GALNTL6: variants seen among roughly 807,000 people sequenced by gnomAD.
GALNTL6 encodes the protein polypeptide N-acetylgalactosaminyltransferase-like 6.
Under a neutral mutation model 73.7 loss-of-function variants are expected in GALNTL6, and 46 were observed. That is an observed-to-expected ratio of 0.62 (90% CI 0.49 to 0.80). GALNTL6 has a LOEUF of 0.80. Among genes scored for constraint, GALNTL6 ranks in the 30% least tolerant of loss-of-function variants. The pLI is 0.00. For missense variants in GALNTL6, 604 were observed against 755.0 expected, an observed-to-expected ratio of 0.80 and a Z score of 2.34; for synonymous variants, 259 against 263.7, an observed-to-expected ratio of 0.98 and a Z score of 0.17.
intron 2 of GALNTL6, among the ~76,000 whole-genome samples, chr4:171,901,604 C>A (rs1188112606): frequency 6.6e-6 from 1 of 152,200 alleles, no homozygotes; most frequent in Non-Finnish European, 1.5e-5. Context: ...TATTTTTCTA[C>A]CTGCTAGAAT....
At position 171,968,905 on chromosome 4, in the gene GALNTL6, C is replaced by T. The variant is rs535658627; in HGVS notation, c.138+154187C>T. 1.0e-4 allele frequency among the ~76,000 whole-genome samples: 15 copies of T among 150,544 alleles called. No homozygotes were observed. In the East Asian group the frequency reaches 1.6e-3, roughly 16 times the overall value. On this transcript the variant is annotated intron_variant, in intron 2 of 12. Coordinates refer to ENST00000506823, the MANE Select transcript of GALNTL6 (RefSeq NM_001034845.3). ...AGGCTGGAGTGCAATAGTGTGATCT[C>T]GGCTCACTGCAACCTCTGCCTCCCA...
At chr4:172,881,910 G>T (rs1475698033) in intron 7 of GALNTL6, among the ~76,000 whole-genome samples, 1 of 151,880 alleles carries the variant, frequency 6.6e-6, no homozygotes, top group Admixed American at 6.6e-5. Flanking sequence ...CCTCTTCTGC[G>T]TGATTCCTCA....
chr4:172,033,374 AT>A (rs1741829815), intron 2 of GALNTL6, among the ~76,000 whole-genome samples: 1 of 152,060 alleles, frequency 6.6e-6, no homozygotes, highest in Non-Finnish European at 1.5e-5. Flanking sequence ...CTATCAGGCC[AT>A]TTTTTAAAAT....
intron 2 of GALNTL6, among the ~76,000 whole-genome samples, chr4:171,979,058 G>A (rs138076697): frequency 3.3e-4 from 50 of 152,140 alleles, no homozygotes; most frequent in African/African-American, 1.2e-3. Flanking sequence ...TTGACATTAT[G>A]CAGGTCACTT....
At chr4:172,765,044 G>T (rs1738327674) in intron 5 of GALNTL6, among the ~76,000 whole-genome samples, 1 of 152,182 alleles carries the variant, frequency 6.6e-6, no homozygotes. Flanking sequence ...AGCAATCCAG[G>T]AATTAATTAT....
chr4:172,841,754 C>T (rs1296572552), intron 7 of GALNTL6, among the ~76,000 whole-genome samples: 6 of 152,172 alleles, frequency 3.9e-5, no homozygotes, highest in African/African-American at 2.4e-5. Context: ...CCAATCACTT[C>T]CCTCCCCTCT....
intron 5 of GALNTL6, among the ~76,000 whole-genome samples, chr4:172,653,768 A>G (rs534562505): frequency 2.6e-5 from 4 of 152,322 alleles, no homozygotes; most frequent in Middle Eastern, 3.4e-3. Flanking sequence ...TGCATTTGTG[A>G]CTAACAAGAG....
At chr4:172,269,753 A>AT (rs541336344) in intron 3 of GALNTL6, among the ~76,000 whole-genome samples, 24 of 149,578 alleles carry the variant, frequency 1.6e-4, no homozygotes, top group East Asian at 3.9e-4. Context: ...TAATTTTTTT[A>AT]TTTTTTTTTA....
intron 2 of GALNTL6, among the ~76,000 whole-genome samples, chr4:172,036,549 G>A (rs935340332): frequency 4.6e-5 from 7 of 152,188 alleles, no homozygotes; most frequent in African/African-American, 9.6e-5. Flanking sequence ...CTCACTGTTC[G>A]TACATGCCAG....
At chr4:171,818,093 T>C (rs890573106) in intron 2 of GALNTL6, among the ~76,000 whole-genome samples, 1 of 151,680 alleles carries the variant, frequency 6.6e-6, no homozygotes, top group African/African-American at 2.4e-5. Context: ...ATATAGTCAT[T>C]GTAAAGTAAT....
At chr4:172,018,858 T>A (rs1741301680) in intron 2 of GALNTL6, among the ~76,000 whole-genome samples, 1 of 152,038 alleles carries the variant, frequency 6.6e-6, no homozygotes, top group Non-Finnish European at 1.5e-5. Context: ...CCCTGTGAGA[T>A]ATAGTCAGGG....
chr4:171,867,888 G>T (rs1736013400), intron 2 of GALNTL6, among the ~76,000 whole-genome samples: 2 of 151,920 alleles, frequency 1.3e-5, no homozygotes. Context: ...TTCCTCAAAG[G>T]TCTTTCATTT....
intron 10 of GALNTL6, among the ~76,000 whole-genome samples, chr4:172,960,882 G>C (rs968243117): frequency 7.9e-5 from 12 of 152,038 alleles, no homozygotes; most frequent in South Asian, 4.1e-4. Flanking sequence ...AGGGTGGAAG[G>C]CTGCCCATAG....
chr4:172,087,744 G>A (rs1732090548), intron 2 of GALNTL6, among the ~76,000 whole-genome samples: 1 of 146,756 alleles, frequency 6.8e-6, no homozygotes, highest in South Asian at 2.2e-4. Context: ...CATAAACAGT[G>A]ATTACCTACA....
At chr4:172,846,736 A>G (rs1156825438) in intron 7 of GALNTL6, among the ~76,000 whole-genome samples, 1 of 152,200 alleles carries the variant, frequency 6.6e-6, no homozygotes, top group African/African-American at 2.4e-5. Context: ...ACAGATCAAT[A>G]CCACAATAAT....
At chr4:172,098,168 G>C (rs1560922249) in intron 2 of GALNTL6, among the ~76,000 whole-genome samples, 1 of 151,882 alleles carries the variant, frequency 6.6e-6, no homozygotes, top group Non-Finnish European at 1.5e-5. Context: ...CTGTATATAT[G>C]TCTCTCTCTA....
At chr4:172,009,052 A>C (rs576753771) in intron 2 of GALNTL6, among the ~76,000 whole-genome samples, 17 of 152,250 alleles carry the variant, frequency 1.1e-4, no homozygotes, top group African/African-American at 4.1e-4. Flanking sequence ...AGAAATACTA[A>C]ATTATATTAT....
chr4:172,079,756 A>T (rs546721412), intron 2 of GALNTL6, among the ~76,000 whole-genome samples: 67 of 152,080 alleles, frequency 4.4e-4, no homozygotes, highest in Admixed American at 1.2e-3. Flanking sequence ...TTTCTACTGA[A>T]ATAATTACTA....
rs189691742 is a variant in GALNTL6 at position 172,366,351 on chromosome 4, G to A, written c.553+17662G>A. Among the ~76,000 whole-genome samples, 197 of 152,176 alleles carry A rather than the reference G, an allele frequency of 1.3e-3. 1 individual carries two copies. The highest frequency in any genetic ancestry group is 4.6e-3 in the African/African-American group (190 of 41,526). ...CAAAAGCAGTTCTGGCTATCTCAAT[G>A]TATGTTTAGGAATGTAAATAAATAA... is the stretch of plus-strand genomic sequence containing the variant. On this transcript the variant is annotated intron_variant, in intron 5 of 12. Coordinates refer to ENST00000506823, the MANE Select transcript of GALNTL6 (RefSeq NM_001034845.3).
Sources: gnomAD v4.1 joint callset for allele counts (sites outside exome capture counted in the v4.1 genomes callset) on GRCh38, gnomAD v4.1.1 for gene constraint, MANE v1.5 for transcripts, NCBI Gene and HGNC (gene_info 2026-07-23, HGNC 2026-07-21) for gene names.